The following HERC4 variants were observed in gnomAD, a reference collection of about 807,000 sequenced individuals.
The protein encoded by HERC4 is probable E3 ubiquitin-protein ligase HERC4.
A neutral mutation model predicts 124.3 loss-of-function variants in HERC4; 28 were observed. That is an observed-to-expected ratio of 0.23 (90% CI 0.17 to 0.31). HERC4 has a LOEUF of 0.31. Ranked by LOEUF, HERC4 falls within the 10% of genes least tolerant of loss-of-function variation. HERC4 has a pLI of 1.00. For missense variants in HERC4, 713 were observed against 1,229.3 expected (o/e 0.58, Z 6.28); for synonymous variants, 407 against 421.5 (o/e 0.97, Z 0.42).
Position 68,040,098 on chromosome 10 carries a change from T to C in HERC4, c.387-1929A>G, listed in dbSNP as rs189231955. 4.0e-3 allele frequency: 3,782 copies of C among 935,516 alleles called. 14 individuals are homozygous for C. Among genetic ancestry groups the C allele is most frequent in the Admixed American group, 6.3e-3 (103 of 16,250 alleles). The allele number at this position is 935,516 out of a possible 1,614,324, so 58.0% of individuals were successfully genotyped here. A position where few individuals can be genotyped will look rare whatever the true frequency, so the allele number is the denominator to read the frequency against. On this transcript the variant is annotated intron_variant, in intron 4 of 24. Coordinates refer to ENST00000373700, the MANE Select transcript of HERC4 (RefSeq NM_015601.4). Reference sequence around the variant, plus strand: ...CCTAATTAATAGTACGTAATGAATATACTGTTAAAGGATAACTACATTTGT... The same window carrying C: ...CCTAATTAATAGTACGTAATGAATACACTGTTAAAGGATAACTACATTTGT...
chr10:68,018,654 AT>A (rs1479853845), intron 8 of HERC4, among the ~76,000 whole-genome samples: 1 of 152,182 alleles, frequency 6.6e-6, no homozygotes, highest in African/African-American at 2.4e-5. Context: ...AATATCAACT[AT>A]TTCTACATGC....
chr10:68,021,136 A>G (rs2038599578), intron 8 of HERC4, among the ~76,000 whole-genome samples: 1 of 152,216 alleles, frequency 6.6e-6, no homozygotes, highest in Admixed American at 6.5e-5. Context: ...CCAGAGACAC[A>G]CAGTTCAATC....
chr10:67,926,065 T>C (rs900184578), intron 23 of HERC4, among the ~76,000 whole-genome samples: 6 of 152,232 alleles, frequency 3.9e-5, no homozygotes, highest in African/African-American at 1.2e-4. Context: ...TTGGGGTAAT[T>C]TGCTGCAATA....
intron 7 of HERC4, among the ~76,000 whole-genome samples, chr10:68,030,298 G>A (rs759316140): frequency 3.3e-5 from 5 of 151,662 alleles, no homozygotes; most frequent in South Asian, 2.1e-4. Flanking sequence ...AAAAATAGCC[G>A]GGTGTGATCG....
intron 4 of HERC4, chr10:68,039,500 C>G (rs1223493420): frequency 6.5e-7 from 1 of 1,550,338 alleles, no homozygotes; most frequent in African/African-American, 1.4e-5. Flanking sequence ...TTCAGCAAAT[C>G]AAAGTTTGAG....
At chr10:68,039,666 CAA>C in intron 4 of HERC4, 1 of 1,359,084 alleles carries the variant, frequency 7.4e-7, no homozygotes, top group Non-Finnish European at 9.5e-7. Context: ...TTCAAATTTT[CAA>C]ACTCAACAAA....
At chr10:68,002,429 T>C (rs1460769864) in intron 9 of HERC4, among the ~76,000 whole-genome samples, 1 of 151,922 alleles carries the variant, frequency 6.6e-6, no homozygotes, top group Non-Finnish European at 1.5e-5. Context: ...GTCAAAAAAA[T>C]GAATGAGAAA....
chr10:67,936,442 A>C (rs2032369367), intron 21 of HERC4, among the ~76,000 whole-genome samples: 1 of 152,244 alleles, frequency 6.6e-6, no homozygotes, highest in Non-Finnish European at 1.5e-5. Context: ...ACCATGATTA[A>C]TTACAAATTA....
At chr10:67,983,783 T>C (rs1319556579) in intron 15 of HERC4, among the ~76,000 whole-genome samples, 3 of 48,540 alleles carry the variant, frequency 6.2e-5, no homozygotes, top group Admixed American at 5.4e-4. Flanking sequence ...GAAGACTCTG[T>C]CTCAAAAAAA....
intron 15 of HERC4, among the ~76,000 whole-genome samples, chr10:67,975,777 C>A (rs1023636541): frequency 2.0e-5 from 3 of 152,176 alleles, no homozygotes; most frequent in Admixed American, 6.5e-5. Flanking sequence ...ACAGTTGATA[C>A]TTTTATCTCC....
intron 12 of HERC4, 36 bp downstream of exon 12, chr10:67,991,101 AATT>A (rs1028468947): frequency 6.9e-7 from 1 of 1,439,718 alleles, no homozygotes; most frequent in African/African-American, 1.4e-5. Context: ...TAAGACAATA[AATT>A]TGAAAATTTC....
chr10:67,993,915 T>C (rs777340772), intron 9 of HERC4: 6 of 152,240 alleles, frequency 3.9e-5, no homozygotes, highest in Non-Finnish European at 5.9e-5. Context: ...TTTGTGACCA[T>C]GGCTGCTATA....
intron 4 of HERC4, 36 bp downstream of exon 4, chr10:68,044,368 G>A (rs972006103): frequency 1.3e-6 from 2 of 1,568,316 alleles, no homozygotes; most frequent in African/African-American, 1.4e-5. Context: ...TATTTTAAAA[G>A]ATTGTTAAGG....
At chr10:67,960,001 C>G (rs1220870324) in intron 16 of HERC4, among the ~76,000 whole-genome samples, 1 of 152,218 alleles carries the variant, frequency 6.6e-6, no homozygotes, top group Non-Finnish European at 1.5e-5. Flanking sequence ...ACCTATAGAC[C>G]TGTGCAATAT....
chr10:67,990,479 G>T, intron 13 of HERC4, 79 bp from the exon 14 acceptor site: 1 of 886,288 alleles, frequency 1.1e-6, no homozygotes, highest in Non-Finnish European at 1.6e-6. Flanking sequence ...AAGGAAGGCA[G>T]GAAGAAAAGA....
intron 7 of HERC4, among the ~76,000 whole-genome samples, chr10:68,028,368 TG>T (rs2039013486): frequency 6.6e-6 from 1 of 152,208 alleles, no homozygotes; most frequent in African/African-American, 2.4e-5. Context: ...TTTATAGATC[TG>T]ATGTTTTCCA....
rs760141353 is a variant in HERC4 at position 68,025,674 on chromosome 10, T to C, written c.780A>G (p.Glu260=). The change falls in exon 8 of 25, where the codon GAA becomes GAG. Residue 260 remains glutamate, a splice_region_variant and synonymous_variant. Transcript: ENST00000373700. ...GEDHTAALTK[E]GGVFTFGAGG... is the part of the protein sequence containing the mutation. Reference sequence around the variant, plus strand: ...CAGCTCCAAAAGTAAACACTCCACCTTCCTAAAAAAAGACAAAACCCCTTA... The same window carrying C: ...CAGCTCCAAAAGTAAACACTCCACCCTCCTAAAAAAAGACAAAACCCCTTA... The C allele has an allele frequency of 6.2e-7, 1 of 1,605,324 alleles. No homozygotes were observed. The highest frequency in any genetic ancestry group is 1.1e-5 in the South Asian group (1 of 90,046).
chr10:68,005,380 G>T (rs2037478479), intron 9 of HERC4, among the ~76,000 whole-genome samples: 1 of 151,914 alleles, frequency 6.6e-6, no homozygotes, highest in South Asian at 2.1e-4. Context: ...GTTTCCATTT[G>T]CATGGAATAT....
intron 15 of HERC4, among the ~76,000 whole-genome samples, chr10:67,973,849 C>T (rs1359504615): frequency 1.3e-5 from 2 of 151,850 alleles, no homozygotes; most frequent in Admixed American, 6.6e-5. Context: ...GGCAAGAGAT[C>T]GAGACCATTC....
Sources: allele counts gnomAD v4.1 joint callset (sites outside exome capture counted in the v4.1 genomes callset), GRCh38; gene constraint gnomAD v4.1.1; transcripts MANE v1.5; gene names NCBI Gene and HGNC (gene_info 2026-07-23, HGNC 2026-07-21).